Variants in RORA observed in about 807,000 individuals in gnomAD.
The protein encoded by RORA is RAR related orphan receptor A.
In RORA, 7 loss-of-function variants were observed where a neutral mutation model predicts 69.5. The observed-to-expected ratio is 0.10, with a 90% CI of 0.06 to 0.19. The LOEUF (loss-of-function observed/expected upper bound fraction) is 0.19. Ranked by LOEUF, RORA falls within the 10% of genes least tolerant of loss-of-function variation. The pLI is 1.00. For missense variants in RORA, 457 were observed against 663.0 expected, an observed-to-expected ratio of 0.69 and a Z score of 3.41; for synonymous variants, 261 against 240.8, an observed-to-expected ratio of 1.08 and a Z score of -0.78.
chr15:61,228,655 C>T (rs1200531528), intron 1 of RORA, among the ~76,000 whole-genome samples: 1 of 152,032 alleles, frequency 6.6e-6, no homozygotes, highest in African/African-American at 2.4e-5. Context: ...TTTTTTGCCC[C>T]TTCTTAAAAG....
At chr15:60,933,104 T>C (rs1892421343) in intron 1 of RORA, among the ~76,000 whole-genome samples, 1 of 152,142 alleles carries the variant, frequency 6.6e-6, no homozygotes. Flanking sequence ...GCAAGTCTCC[T>C]ACTGTGGGCC....
chr15:60,996,575 A>G (rs765572867), intron 1 of RORA, among the ~76,000 whole-genome samples: 20 of 152,312 alleles, frequency 1.3e-4, no homozygotes, highest in South Asian at 6.2e-4. Context: ...CACAGGGAAT[A>G]CATACATTGT....
At chr15:61,189,466 G>C (rs1230034067) in intron 1 of RORA, among the ~76,000 whole-genome samples, 1 of 152,074 alleles carries the variant, frequency 6.6e-6, no homozygotes, top group African/African-American at 2.4e-5. Context: ...ATGATTCAAA[G>C]GATGGCTGGA....
intron 1 of RORA, among the ~76,000 whole-genome samples, chr15:61,064,172 C>T (rs1052066611): frequency 2.0e-5 from 3 of 152,118 alleles, no homozygotes; most frequent in Non-Finnish European, 2.9e-5. Flanking sequence ...TAGCCCTCTG[C>T]CTACAGGGAG....
chr15:61,227,661 T>A (rs1191453082), intron 1 of RORA, among the ~76,000 whole-genome samples: 1 of 151,836 alleles, frequency 6.6e-6, no homozygotes. Context: ...AAGGGAGCAG[T>A]TCCTGGGGCC....
chr15:60,588,845 C>T (rs2068414863), intron 2 of RORA, among the ~76,000 whole-genome samples: 1 of 152,162 alleles, frequency 6.6e-6, no homozygotes, highest in Non-Finnish European at 1.5e-5. Context: ...TTTACTTGTG[C>T]ATGCTGCTGC....
rs937053802 is a variant in RORA, at chr15:60,853,602, G to A, written c.167-174916C>T. 2.6e-5 allele frequency among the ~76,000 whole-genome samples: 4 copies of A among 152,308 alleles called. No homozygotes were observed. The South Asian group carries it at 8.3e-4, about 32-fold the overall frequency. On this transcript the variant is annotated intron_variant, in intron 1 of 10. Coordinates refer to ENST00000335670, the MANE Select transcript of RORA (RefSeq NM_134261.3). ...CATCTCATGACAACCCTTTGAATTT[G>A]GAAACTGGCTCCAGATATACCTGGA...
chr15:60,842,895 C>T (rs754571043), intron 1 of RORA, among the ~76,000 whole-genome samples: 6 of 152,132 alleles, frequency 3.9e-5, no homozygotes, highest in East Asian at 1.9e-4. Flanking sequence ...AGTGCCAGCC[C>T]GCCACATCTG....
chr15:60,612,994 T>C (rs1367891337), intron 2 of RORA, among the ~76,000 whole-genome samples: 2 of 152,098 alleles, frequency 1.3e-5, no homozygotes, highest in African/African-American at 2.4e-5. Context: ...TTTTTTTTTT[T>C]ACTTATCTTT....
At chr15:60,783,612 T>C (rs1382379567) in intron 1 of RORA, among the ~76,000 whole-genome samples, 1 of 152,218 alleles carries the variant, frequency 6.6e-6, no homozygotes, top group Non-Finnish European at 1.5e-5. Context: ...AAACGTCGCA[T>C]CCTTGAGTCT....
intron 1 of RORA, among the ~76,000 whole-genome samples, chr15:61,062,861 G>A (rs576173390): frequency 6.6e-6 from 1 of 152,234 alleles, no homozygotes; most frequent in East Asian, 1.9e-4. Flanking sequence ...AATAGTCTGT[G>A]ATGAAGCACG....
intron 1 of RORA, among the ~76,000 whole-genome samples, chr15:60,824,346 T>G (rs1329454037): frequency 6.6e-6 from 1 of 152,192 alleles, no homozygotes; most frequent in Non-Finnish European, 1.5e-5. Context: ...TTGGATATGA[T>G]TTGGGGGTTC....
At chr15:61,110,868 G>A (rs924603081) in intron 1 of RORA, among the ~76,000 whole-genome samples, 5 of 152,164 alleles carry the variant, frequency 3.3e-5, no homozygotes, top group African/African-American at 9.7e-5. Flanking sequence ...TACACCGCAC[G>A]CCCTGCACTT....
At chr15:60,964,429 C>A (rs1157127095) in intron 1 of RORA, among the ~76,000 whole-genome samples, 1 of 152,104 alleles carries the variant, frequency 6.6e-6, no homozygotes, top group Non-Finnish European at 1.5e-5. Context: ...GGAAAGCCCT[C>A]CTCTGAAAAG....
intron 1 of RORA, among the ~76,000 whole-genome samples, chr15:60,869,297 C>A (rs527288671): frequency 6.6e-6 from 1 of 152,084 alleles, no homozygotes; most frequent in African/African-American, 2.4e-5. Flanking sequence ...AGGCTGATTT[C>A]GCGATTTTAT....
chr15:60,996,052 G>T (rs1894522745), intron 1 of RORA, among the ~76,000 whole-genome samples: 1 of 147,938 alleles, frequency 6.8e-6, no homozygotes, highest in Admixed American at 6.8e-5. Context: ...GGATGGAAAT[G>T]ATCTAGATCT....
At chr15:60,529,839 C>T (rs1011778643) in intron 3 of RORA, 1 of 152,192 alleles carries the variant, frequency 6.6e-6, no homozygotes, top group African/African-American at 2.4e-5. Flanking sequence ...CCACCTTGTC[C>T]TTTCCCCAGA....
At chr15:60,776,411 G>A (rs1338523817) in intron 1 of RORA, among the ~76,000 whole-genome samples, 1 of 152,200 alleles carries the variant, frequency 6.6e-6, no homozygotes, top group Non-Finnish European at 1.5e-5. Context: ...ATTTAAAGAC[G>A]CAAAAGGCTG....
intron 1 of RORA, among the ~76,000 whole-genome samples, chr15:61,105,306 A>G (rs1305507500): frequency 6.6e-6 from 1 of 152,202 alleles, no homozygotes; most frequent in East Asian, 1.9e-4. Flanking sequence ...GTTTCATGAG[A>G]GCAGGAAGAA....
Sources: gnomAD v4.1 joint callset for allele counts (sites outside exome capture counted in the v4.1 genomes callset) on GRCh38, gnomAD v4.1.1 for gene constraint, MANE v1.5 for transcripts, NCBI Gene and HGNC (gene_info 2026-07-23, HGNC 2026-07-21) for gene names.